The following DOCK4 variants were observed in gnomAD, a reference collection of about 807,000 sequenced individuals.
The protein encoded by DOCK4 is dedicator of cytokinesis 4.
Under a neutral mutation model 268.1 loss-of-function variants are expected in DOCK4, and 97 were observed. The observed-to-expected ratio is 0.36, with a 90% confidence interval of 0.31 to 0.43. DOCK4 has a LOEUF of 0.43. Among genes scored for constraint, DOCK4 ranks in the 20% least tolerant of loss-of-function variants. DOCK4 has a pLI of 1.00. For missense variants in DOCK4, 2,145 were observed against 2,455.7 expected (o/e 0.87, Z 2.67); for synonymous variants, 954 against 887.2 (o/e 1.08, Z -1.34).
At position 111,989,225 on chromosome 7, in the gene DOCK4, C is replaced by A; in HGVS notation, c.316-62G>T. On this transcript the variant is annotated intron_variant, in intron 5 of 52. Coordinates refer to ENST00000428084, the MANE Select transcript of DOCK4 (RefSeq NM_001363540.2). Reference sequence around the variant, plus strand: ...TACCTATACTGAGTTGTGGGGTAACCAAAAAGGAAAGGGAAGAGGCCCATT... The same window carrying A: ...TACCTATACTGAGTTGTGGGGTAACAAAAAAGGAAAGGGAAGAGGCCCATT... The A allele has an allele frequency of 3.2e-6, 5 of 1,586,752 alleles. 1 individual carries two copies. Among genetic ancestry groups the A allele is most frequent in the South Asian group, 2.3e-5 (2 of 88,304 alleles).
At chr7:111,892,803 T>C (rs1487856836) in intron 16 of DOCK4, among the ~76,000 whole-genome samples, 1 of 152,182 alleles carries the variant, frequency 6.6e-6, no homozygotes, top group African/African-American at 2.4e-5. Flanking sequence ...GGCCATAAGC[T>C]GAAACTGAAT....
At chr7:111,783,359 T>A (rs1585973517) in intron 34 of DOCK4, among the ~76,000 whole-genome samples, 1 of 152,110 alleles carries the variant, frequency 6.6e-6, no homozygotes, top group South Asian at 2.1e-4. Flanking sequence ...TTAAGTGGGA[T>A]TAACTACTTT....
intron 1 of DOCK4, among the ~76,000 whole-genome samples, chr7:112,201,230 C>A (rs909411675): frequency 5.3e-5 from 8 of 152,322 alleles, no homozygotes; most frequent in Middle Eastern, 6.8e-3. Flanking sequence ...GGTGCATCTT[C>A]TTCCACCAAC....
chr7:112,149,773 C>T (rs914466272), intron 1 of DOCK4, among the ~76,000 whole-genome samples: 7 of 152,306 alleles, frequency 4.6e-5, no homozygotes, highest in African/African-American at 1.7e-4. Context: ...CAGCAATGAG[C>T]TTCCAGGCCA....
chr7:112,101,273 A>G (rs1302318694), intron 1 of DOCK4, among the ~76,000 whole-genome samples: 1 of 152,234 alleles, frequency 6.6e-6, no homozygotes, highest in Non-Finnish European at 1.5e-5. Flanking sequence ...TATATTTCAC[A>G]TGCTAGTTAA....
intron 8 of DOCK4, among the ~76,000 whole-genome samples, chr7:111,956,259 T>C (rs1796438820): frequency 6.6e-6 from 1 of 152,192 alleles, no homozygotes. Context: ...AAAGTAAACC[T>C]GAGCTCTTTA....
Position 111,974,777 on chromosome 7 carries a change from T to C in DOCK4, c.701+2355A>G, listed in dbSNP as rs75246865. ...GGCAGACCCTGTACCCGGGTTATTA[T>C]CTTACTTTTGCTAAGGATATAGGAA... On this transcript the variant is annotated intron_variant, in intron 8 of 52. Transcript: ENST00000428084. Among the ~76,000 whole-genome samples, 213 of 152,188 alleles carry C rather than the reference T, an allele frequency of 1.4e-3. 2 individuals are homozygous for C. The highest frequency in any genetic ancestry group is 5.1e-3 in the African/African-American group (210 of 41,516).
chr7:112,162,968 C>A (rs1040485685), intron 1 of DOCK4, among the ~76,000 whole-genome samples: 7 of 152,148 alleles, frequency 4.6e-5, no homozygotes, highest in African/African-American at 9.7e-5. Flanking sequence ...CTGTATGCAA[C>A]GTAACACTGC....
intron 15 of DOCK4, among the ~76,000 whole-genome samples, chr7:111,896,501 T>C (rs1443122089): frequency 5.9e-5 from 9 of 151,456 alleles, no homozygotes; most frequent in Admixed American, 4.6e-4. Context: ...TTTTTTTTTT[T>C]TTTTTCCTCC....
chr7:111,940,076 C>G (rs1795083009), intron 11 of DOCK4, 34 bp downstream of exon 11: 1 of 1,612,410 alleles, frequency 6.2e-7, no homozygotes, highest in Non-Finnish European at 8.5e-7. Context: ...ACCCCTGTGC[C>G]TACCCCAGCC....
At chr7:111,779,852 A>G (rs1403865328) in intron 35 of DOCK4, among the ~76,000 whole-genome samples, 1 of 152,252 alleles carries the variant, frequency 6.6e-6, no homozygotes, top group African/African-American at 2.4e-5. Flanking sequence ...TGAGTCTCCA[A>G]ACAAGACATG....
chr7:111,823,759 G>T lies in DOCK4; in HGVS notation c.2836-1303C>A, dbSNP rs570626767. ...CAATCTGATTGAAGATAACGATATG[G>T]TGTTGCTTCAAAAATAAAAAGCAAC... On this transcript the variant is annotated intron_variant, in intron 26 of 52. Coordinates refer to ENST00000428084, the MANE Select transcript of DOCK4 (RefSeq NM_001363540.2). Among the ~76,000 whole-genome samples the T allele has an allele frequency of 1.5e-4, 23 of 152,156 alleles. No homozygotes were observed. In the South Asian group the frequency reaches 4.4e-3, roughly 29 times the overall value.
rs1235401061 is a variant in DOCK4 at position 111,726,332 on chromosome 7, G to C, written c.*1942C>G. ...TGATTTATAATGTGCCCAAGCACTAGTCAACAAATCTATTAAATTACACAG... is the reference window on the plus strand; with the variant it reads ...TGATTTATAATGTGCCCAAGCACTACTCAACAAATCTATTAAATTACACAG... On this transcript the variant is annotated 3_prime_UTR_variant, in exon 53 of 53. Coordinates refer to ENST00000428084, the MANE Select transcript of DOCK4 (RefSeq NM_001363540.2). 1.3e-5 allele frequency: 2 copies of C among 152,536 alleles called. No homozygotes were observed. The highest frequency in any genetic ancestry group is 4.8e-5 in the African/African-American group (2 of 41,396). 9.4% of individuals were successfully genotyped at this position (152,536 alleles called of 1,614,324 possible).
Position 111,735,232 on chromosome 7 carries a change from TAGA to T in DOCK4, c.5306-68_5306-66del, listed in dbSNP as rs1795393262. ...TTTGCCCTTCCAATGCTTGAGATCT[TAGA>T]AGAAAGTCAGAATTATCCAGAATGA... is the stretch of plus-strand genomic sequence containing the variant. On this transcript the variant is annotated intron_variant, in intron 50 of 52. Coordinates refer to ENST00000428084, the MANE Select transcript of DOCK4 (RefSeq NM_001363540.2). 4 of 1,077,944 alleles carry T rather than the reference TAGA, an allele frequency of 3.7e-6. No homozygotes were observed. In the African/African-American group the frequency reaches 6.5e-5, roughly 17 times the overall value. The allele number at this position is 1,077,944 out of a possible 1,614,324, so 66.8% of individuals were successfully genotyped here. A position where few individuals can be genotyped will look rare whatever the true frequency, so the allele number is the denominator to read the frequency against.
intron 52 of DOCK4, among the ~76,000 whole-genome samples, 177 bp from the exon 53 acceptor site, chr7:111,728,897 T>TAATC (rs1234409043): frequency 6.6e-6 from 1 of 152,166 alleles, no homozygotes; most frequent in African/African-American, 2.4e-5. Flanking sequence ...TGGTGGATCC[T>TAATC]AATCCAAGCT....
intron 8 of DOCK4, among the ~76,000 whole-genome samples, chr7:111,960,088 G>A (rs1010112981): frequency 1.3e-5 from 2 of 152,048 alleles, no homozygotes; most frequent in African/African-American, 4.8e-5. Flanking sequence ...TAAATGGCCT[G>A]GGTGCAGTGG....
At chr7:111,817,446 A>G (rs1442162165) in intron 27 of DOCK4, among the ~76,000 whole-genome samples, 2 of 152,098 alleles carry the variant, frequency 1.3e-5, no homozygotes, top group Admixed American at 1.3e-4. Flanking sequence ...CGACGCTCCT[A>G]CCTTTCTTTG....
intron 26 of DOCK4, among the ~76,000 whole-genome samples, chr7:111,824,132 T>C (rs1422282324): frequency 2.0e-5 from 3 of 152,164 alleles, no homozygotes; most frequent in Non-Finnish European, 2.9e-5. Flanking sequence ...GTTTGCCAAA[T>C]GTATTTCACT....
intron 47 of DOCK4, among the ~76,000 whole-genome samples, 181 bp downstream of exon 47, chr7:111,740,913 T>A (rs1401151878): frequency 6.6e-6 from 1 of 151,896 alleles, no homozygotes; most frequent in Non-Finnish European, 1.5e-5. Context: ...TGGGGCAGTT[T>A]TAAGAGAAAC....
Sources: gnomAD v4.1 joint callset for allele counts (sites outside exome capture counted in the v4.1 genomes callset) on GRCh38, gnomAD v4.1.1 for gene constraint, MANE v1.5 for transcripts, NCBI Gene and HGNC (gene_info 2026-07-23, HGNC 2026-07-21) for gene names.